The following DNM1L variants were observed in gnomAD, a reference collection of about 807,000 sequenced individuals.
The protein encoded by DNM1L is dynamin 1L, also known as dynamin-1-like protein.
DNM1L carries 33 observed loss-of-function variants against 92.8 expected under a neutral mutation model. The observed-to-expected ratio is 0.36, with a 90% CI of 0.27 to 0.48. DNM1L has a LOEUF of 0.48. DNM1L is among the 20% of genes least tolerant of loss of function. The pLI is 0.99. For synonymous variants in DNM1L, 284 were observed against 305.0 expected (o/e 0.93, Z 0.72); for missense variants, 485 against 888.8 (o/e 0.55, Z 5.78).
chr12:32,689,094 C>T (rs1952133855), intron 1 of DNM1L, among the ~76,000 whole-genome samples: 1 of 152,160 alleles, frequency 6.6e-6, no homozygotes, highest in Non-Finnish European at 1.5e-5. Flanking sequence ...AAACACCCCA[C>T]ATATTAACTA....
intron 1 of DNM1L, chr12:32,679,777 C>T: frequency 9.4e-7 from 1 of 1,062,168 alleles, no homozygotes; most frequent in African/African-American, 1.7e-5. Flanking sequence ...CTGGAGTCCG[C>T]TGGGACCGGG....
At chr12:32,743,258 C>G in intron 19 of DNM1L, 96 bp from the exon 20 acceptor site, 1 of 1,105,442 alleles carries the variant, frequency 9.0e-7, no homozygotes, top group Non-Finnish European at 1.3e-6. Context: ...TAGTTATAAA[C>G]CTACCACATA....
chr12:32,685,853 CT>C (rs1031164674), intron 1 of DNM1L, among the ~76,000 whole-genome samples: 1 of 151,962 alleles, frequency 6.6e-6, no homozygotes, highest in East Asian at 1.9e-4. Context: ...GTCCCTCTCT[CT>C]TTTTTTTCTC....
rs1386720662 is a variant in DNM1L, at chr12:32,713,302, G to A, written c.550G>A (p.Val184Ile). Residue 184 changes from valine to isoleucine, a missense_variant, in exon 6 of 20, where the codon GTC becomes ATC. Transcript: ENST00000549701. ...ISNPNSIILA[V>I]TAANTDMATS... ...TAATCCTAATTCCATTATCCTCGCTGTCACTGCTGCTAATACAGATATGGC... is the reference window on the plus strand; with the variant it reads ...TAATCCTAATTCCATTATCCTCGCTATCACTGCTGCTAATACAGATATGGC... 6.2e-7 allele frequency: 1 copy of A among 1,613,898 alleles called. No individual in the cohort carries two copies. The highest frequency in any genetic ancestry group is 1.1e-5 in the South Asian group (1 of 91,072).
rs1434554790 is a variant in DNM1L, at chr12:32,718,653, C to T, written c.630C>T (p.Thr210=). The T allele has an allele frequency of 1.1e-5, 17 of 1,613,584 alleles. No homozygotes were observed. Among genetic ancestry groups the T allele is most frequent in the Non-Finnish European group, 1.4e-5 (17 of 1,179,850 alleles). Reference sequence around the variant, plus strand: ...TTTTGCATTTACCAGGTCGCAGAACCCTAGCTGTAATCACTAAACTTGATC... The same window carrying T: ...TTTTGCATTTACCAGGTCGCAGAACTCTAGCTGTAATCACTAAACTTGATC... The part of the protein sequence containing the change: ...SREVDPDGRR[T]LAVITKLDLM... The change falls in exon 7 of 20, where the codon ACC becomes ACT. Residue 210 remains threonine (T), a synonymous_variant. Transcript: ENST00000549701.
intron 9 of DNM1L, chr12:32,727,139 ATCT>A (rs1954203221): frequency 5.2e-6 from 4 of 766,544 alleles, no homozygotes; most frequent in African/African-American, 1.7e-5. Context: ...CTGAAATCTC[ATCT>A]TCTTCATCTG....
At chr12:32,722,869 TTTAC>T (rs1239330494) in intron 9 of DNM1L, 3 of 166,084 alleles carry the variant, frequency 1.8e-5, no homozygotes, top group Non-Finnish European at 3.7e-5. Context: ...TTTATAAGTA[TTTAC>T]TTATTTTTAT....
At chr12:32,721,206 T>C (rs1953785443) in intron 8 of DNM1L, among the ~76,000 whole-genome samples, 1 of 152,230 alleles carries the variant, frequency 6.6e-6, no homozygotes, top group Non-Finnish European at 1.5e-5. Context: ...ATGTCTTTTA[T>C]TTCTATTCAC....
At chr12:32,704,278 G>A (rs1157209606) in intron 2 of DNM1L, among the ~76,000 whole-genome samples, 2 of 152,030 alleles carry the variant, frequency 1.3e-5, no homozygotes, top group African/African-American at 2.4e-5. Flanking sequence ...GGCCGGGCGC[G>A]GTGGCTCACG....
At chr12:32,716,769 C>T (rs758874891) in intron 6 of DNM1L, among the ~76,000 whole-genome samples, 6 of 135,340 alleles carry the variant, frequency 4.4e-5, no homozygotes, top group Non-Finnish European at 8.0e-5. Context: ...TATATAGTAA[C>T]TGAAAATACC....
At chr12:32,720,889 T>A in intron 8 of DNM1L, 94 bp downstream of exon 8, 1 of 1,499,336 alleles carries the variant, frequency 6.7e-7, no homozygotes, top group Non-Finnish European at 9.2e-7. Flanking sequence ...TTTCATACTG[T>A]TCCTAACAGC....
intron 4 of DNM1L, 40 bp downstream of exon 4, chr12:32,708,264 A>G: frequency 7.9e-7 from 1 of 1,265,974 alleles, no homozygotes. Context: ...AAGCATCAGT[A>G]AATATATAAT....
chr12:32,737,778 C>T, intron 14 of DNM1L, 87 bp from the exon 15 acceptor site: 1 of 1,007,926 alleles, frequency 9.9e-7, no homozygotes, highest in South Asian at 1.3e-5. Flanking sequence ...GATTTCATTA[C>T]AGAAGGGAAA....
At chr12:32,724,309 G>A (rs1592639415) in intron 9 of DNM1L, among the ~76,000 whole-genome samples, 1 of 152,050 alleles carries the variant, frequency 6.6e-6, no homozygotes, top group Non-Finnish European at 1.5e-5. Flanking sequence ...CAGGCGCAGT[G>A]GCTCACGCCT....
At chr12:32,727,901 T>C (rs1270745001) in intron 9 of DNM1L, among the ~76,000 whole-genome samples, 1 of 152,216 alleles carries the variant, frequency 6.6e-6, no homozygotes, top group Non-Finnish European at 1.5e-5. Flanking sequence ...AGAAGTAAGT[T>C]TATTAGATTA....
chr12:32,736,781 G>A (rs774352185), intron 13 of DNM1L: 1 of 339,202 alleles, frequency 2.9e-6, no homozygotes, highest in Non-Finnish European at 5.6e-6. Flanking sequence ...TGTGAGGACA[G>A]TTTACATCAC....
intron 2 of DNM1L, chr12:32,706,640 A>G: frequency 2.2e-6 from 1 of 454,950 alleles, no homozygotes; most frequent in Non-Finnish European, 4.4e-6. Flanking sequence ...TGCATATACC[A>G]GGGTTCTTGT....
At chr12:32,720,573 T>TTCTCTA in intron 7 of DNM1L, 91 bp from the exon 8 acceptor site, 1 of 1,526,866 alleles carries the variant, frequency 6.5e-7, no homozygotes, top group Admixed American at 1.7e-5. Flanking sequence ...CCCTGTCAGG[T>TTCTCTA]ATTAGAGAAC....
At chr12:32,706,111 A>C (rs1009167917) in intron 2 of DNM1L, 13 of 394,662 alleles carry the variant, frequency 3.3e-5, no homozygotes, top group Admixed American at 8.7e-5. Context: ...AGCCTTTTTA[A>C]ATATAATAAG....
Sources: gnomAD v4.1 joint callset for allele counts (sites outside exome capture counted in the v4.1 genomes callset) on GRCh38, gnomAD v4.1.1 for gene constraint, MANE v1.5 for transcripts, NCBI Gene and HGNC (gene_info 2026-07-23, HGNC 2026-07-21) for gene names.